The following CPNE4 variants were observed in gnomAD, a reference collection of about 807,000 sequenced individuals.
CPNE4 encodes copine 4.
Under a neutral mutation model 67.9 loss-of-function variants are expected in CPNE4, and 25 were observed. That is an observed-to-expected ratio of 0.37 (90% CI 0.27 to 0.51). CPNE4 has a LOEUF of 0.51. Ranked by LOEUF, CPNE4 falls within the 20% of genes least tolerant of loss-of-function variation. CPNE4 has a pLI of 0.93. For synonymous variants in CPNE4, 242 were observed against 244.9 expected (o/e 0.99, Z 0.11); for missense variants, 464 against 690.8 (o/e 0.67, Z 3.68).
At chr3:131,849,300 T>C (rs1251498905) in intron 2 of CPNE4, among the ~76,000 whole-genome samples, 1 of 152,076 alleles carries the variant, frequency 6.6e-6, no homozygotes, top group African/African-American at 2.4e-5. Context: ...TGAAACTGGG[T>C]AATTTATAAA....
intron 2 of CPNE4, among the ~76,000 whole-genome samples, chr3:131,866,139 C>A (rs1434272867): frequency 6.6e-6 from 1 of 152,212 alleles, no homozygotes; most frequent in Non-Finnish European, 1.5e-5. Flanking sequence ...CTTCCACATA[C>A]AGGATCTGGA....
At chr3:131,638,253 T>C (rs2079446164) in intron 7 of CPNE4, among the ~76,000 whole-genome samples, 1 of 152,086 alleles carries the variant, frequency 6.6e-6, no homozygotes, top group African/African-American at 2.4e-5. Context: ...AATGCCGGAA[T>C]GGATAAGAAT....
intron 5 of CPNE4, among the ~76,000 whole-genome samples, chr3:131,692,747 A>G (rs1400433084): frequency 6.6e-6 from 1 of 152,126 alleles, no homozygotes; most frequent in Non-Finnish European, 1.5e-5. Flanking sequence ...CTTATATTGC[A>G]CCCCATCAAA....
chr3:131,786,223 A>T (rs1329710744), intron 2 of CPNE4, among the ~76,000 whole-genome samples: 1 of 151,538 alleles, frequency 6.6e-6, no homozygotes, highest in Non-Finnish European at 1.5e-5. Flanking sequence ...GCCTTGCCTT[A>T]CCTTCAAACT....
chr3:131,881,293 G>C (rs1003653417), intron 2 of CPNE4, among the ~76,000 whole-genome samples: 2 of 152,130 alleles, frequency 1.3e-5, no homozygotes, highest in African/African-American at 4.8e-5. Context: ...CCTTCTTCTA[G>C]ATAAGATTTA....
chr3:132,037,476 C>A, upstream of CPNE4: 1 of 992,424 alleles, frequency 1.0e-6, no homozygotes, highest in Non-Finnish European at 1.5e-6. Context: ...TTTTCAATCA[C>A]TGCCCCCACA....
At chr3:131,573,910 A>G (rs145943739) in intron 10 of CPNE4, among the ~76,000 whole-genome samples, 461 of 152,172 alleles carry the variant, frequency 3.0e-3, no homozygotes, top group Non-Finnish European at 5.0e-3. Context: ...TCAGAAATAA[A>G]TGCACAATAC....
chr3:131,578,224 CT>C (rs752763802), intron 9 of CPNE4, among the ~76,000 whole-genome samples: 3 of 152,090 alleles, frequency 2.0e-5, no homozygotes, highest in Admixed American at 6.6e-5. Context: ...ATATTTCCAA[CT>C]TTTTCATTAT....
intron 2 of CPNE4, among the ~76,000 whole-genome samples, chr3:131,874,459 A>G (rs1246037064): frequency 6.6e-6 from 1 of 152,212 alleles, no homozygotes; most frequent in African/African-American, 2.4e-5. Context: ...CACGAGGAAT[A>G]AAAATGGGGA....
intron 4 of CPNE4, 109 bp from the exon 5 acceptor site, chr3:131,696,725 T>C: frequency 2.1e-6 from 2 of 974,468 alleles, no homozygotes; most frequent in Admixed American, 3.7e-5. Context: ...AAGACAAATG[T>C]TGGGCAAAGA....
chr3:131,703,333 AC>A (rs1464713687), intron 3 of CPNE4, among the ~76,000 whole-genome samples: 1 of 152,176 alleles, frequency 6.6e-6, no homozygotes, highest in Non-Finnish European at 1.5e-5. Flanking sequence ...GATTCTTTAT[AC>A]CCTATGATGG....
rs761764848 is a variant in CPNE4, at chr3:131,564,352, A to G, written c.928-3T>C. On this transcript the variant is annotated splice_polypyrimidine_tract_variant and splice_region_variant and intron_variant, in intron 10 of 15. Transcript: ENST00000429747. ...GAGGCAGTGAAATCTATAGCTACCT[A>G]AAAGAGAAAAATACAAGAAAAGGTA... is the stretch of plus-strand genomic sequence containing the variant. 1.2e-6 allele frequency: 2 copies of G among 1,608,266 alleles called. No individual in the cohort carries two copies. Among genetic ancestry groups the G allele is most frequent in the Admixed American group, 1.7e-5 (1 of 58,930 alleles).
intron 1 of CPNE4, among the ~76,000 whole-genome samples, chr3:131,971,382 T>C (rs76463441): frequency 0.046 from 6,931 of 152,282 alleles, 178 homozygotes; most frequent in East Asian, 0.092. Context: ...GGTAATTCCA[T>C]GTCTCAATGA....
At chr3:131,853,064 T>C (rs983576346) in intron 2 of CPNE4, among the ~76,000 whole-genome samples, 1 of 151,812 alleles carries the variant, frequency 6.6e-6, no homozygotes, top group African/African-American at 2.4e-5. Context: ...TTCTGAAGAA[T>C]TGACCAGTTT....
intron 7 of CPNE4, among the ~76,000 whole-genome samples, chr3:131,606,238 T>C (rs1559972333): frequency 6.6e-6 from 1 of 152,220 alleles, no homozygotes. Context: ...TTGATTACTA[T>C]GTATTTCTAA....
intron 1 of CPNE4, among the ~76,000 whole-genome samples, chr3:131,985,540 A>G (rs2073021498): frequency 6.6e-6 from 1 of 152,222 alleles, no homozygotes; most frequent in Admixed American, 6.5e-5. Flanking sequence ...ATGATTGCCC[A>G]AATAGGAGTA....
chr3:131,886,374 A>G (rs563654647), intron 2 of CPNE4, among the ~76,000 whole-genome samples: 47 of 152,368 alleles, frequency 3.1e-4, no homozygotes, highest in Admixed American at 3.1e-3. Context: ...AGATGTACGG[A>G]AACACCTGGA....
intron 1 of CPNE4, among the ~76,000 whole-genome samples, chr3:132,022,511 C>T (rs139254889): frequency 2.7e-4 from 41 of 152,206 alleles, no homozygotes; most frequent in African/African-American, 9.4e-4. Flanking sequence ...GATGCTTGGA[C>T]CTTCCTGCAA....
intron 1 of CPNE4, among the ~76,000 whole-genome samples, chr3:131,906,264 T>G (rs1230062282): frequency 6.6e-6 from 1 of 152,052 alleles, no homozygotes; most frequent in African/African-American, 2.4e-5. Context: ...TGTTTTATTA[T>G]TATTATACTT....
Sources: gnomAD v4.1 joint callset for allele counts (sites outside exome capture counted in the v4.1 genomes callset) on GRCh38, gnomAD v4.1.1 for gene constraint, MANE v1.5 for transcripts, NCBI Gene and HGNC (gene_info 2026-07-23, HGNC 2026-07-21) for gene names.